The following NUDT22 variants were observed in gnomAD, a reference collection of about 807,000 sequenced individuals.
NUDT22 encodes nudix hydrolase 22, also known as uridine diphosphate glucose pyrophosphatase NUDT22.
NUDT22 carries 23 observed loss-of-function variants against 28.8 expected under a neutral mutation model. The observed-to-expected ratio is 0.80, with a 90% CI of 0.58 to 1.13. The LOEUF (loss-of-function observed/expected upper bound fraction) is 1.13. NUDT22 is among the 50% of genes most tolerant of loss of function. The pLI is 0.00. For missense variants in NUDT22, 358 were observed against 387.3 expected (o/e 0.92, Z 0.64); for synonymous variants, 175 against 173.7 (o/e 1.01, Z -0.06).
chr11:64,229,799 G>C lies in NUDT22; in HGVS notation c.772-51G>C. On this transcript the variant is annotated intron_variant, in intron 5 of 5. Coordinates refer to ENST00000279206, the MANE Select transcript of NUDT22 (RefSeq NM_032344.4). ...GCTCAGGAATTCTGGGCACAGCCCT[G>C]GCAGGAGAAGTGGCAAGCTTGAATG... is the stretch of plus-strand genomic sequence containing the variant. 3 of 1,610,288 alleles carry C rather than the reference G, an allele frequency of 1.9e-6. No individual in the cohort carries two copies. In the South Asian group the frequency reaches 3.3e-5, roughly 18 times the overall value.
chr11:64,228,987 G>GA (rs1947122809), intron 3 of NUDT22: 1 of 451,932 alleles, frequency 2.2e-6, no homozygotes, highest in Non-Finnish European at 4.0e-6. Context: ...AAGAAAAAAA[G>GA]AAAAAGGAGT....
Position 64,227,032 on chromosome 11 carries a change from T to G in NUDT22, c.380T>G (p.Leu127Arg). The change falls in exon 2 of 6, where the codon CTA (leucine) becomes CGA (arginine). Residue 127 changes from leucine to arginine, a missense_variant. Coordinates refer to ENST00000279206, the MANE Select transcript of NUDT22 (RefSeq NM_032344.4). Reference sequence around the variant, plus strand: ...GACCCACTGGGGGTGGGCGCTGCACTAGCCACAGCCGATGACTTCCTTGTC... The same window carrying G: ...GACCCACTGGGGGTGGGCGCTGCACGAGCCACAGCCGATGACTTCCTTGTC... ...LADPLGVGAALATADDFLVFL... is the reference protein window; with the variant it reads ...LADPLGVGAARATADDFLVFL... 6.2e-7 allele frequency: 1 copy of G among 1,603,026 alleles called. No homozygotes were observed. The highest frequency in any genetic ancestry group is 8.5e-7 in the Non-Finnish European group (1 of 1,179,594).
chr11:64,229,792 C>T, intron 5 of NUDT22, 58 bp from the exon 6 acceptor site: 1 of 1,606,318 alleles, frequency 6.2e-7, no homozygotes, highest in East Asian at 2.2e-5. Flanking sequence ...ATTCTGGGCA[C>T]AGCCCTGGCA....
In NUDT22 at chr11:64,226,831, A is replaced by G. The variant is rs1231512123; in HGVS notation, c.179A>G (p.Lys60Arg). 6.2e-7 allele frequency: 1 copy of G among 1,609,062 alleles called. No individual in the cohort carries two copies. The highest frequency in any genetic ancestry group is 8.5e-7 in the Non-Finnish European group (1 of 1,179,856). The stretch of plus-strand genomic sequence containing the variant: ...CAACCCTGGCTCTTCGACGCCCCCA[A>G]GTTCCGCCTGCACTCAGCCACCCTG... ...KAQPWLFDAPKFRLHSATLAP... is the reference protein window; with the variant it reads ...KAQPWLFDAPRFRLHSATLAP... Residue 60 changes from lysine to arginine, a missense_variant, in exon 2 of 6, where the codon AAG becomes AGG. Coordinates refer to ENST00000279206, the MANE Select transcript of NUDT22 (RefSeq NM_032344.4).
chr11:64,226,557 G>A (rs1385409307), intron 1 of NUDT22, 78 bp from the exon 2 acceptor site: 2 of 1,500,562 alleles, frequency 1.3e-6, no homozygotes, highest in Non-Finnish European at 1.8e-6. Flanking sequence ...GGAGGTCTGC[G>A]ACAGAGGGGG....
At chr11:64,227,713 G>C (rs188629016) in intron 3 of NUDT22, 47 bp downstream of exon 3, 1 of 1,500,804 alleles carries the variant, frequency 6.7e-7, no homozygotes, top group Admixed American at 1.7e-5. Context: ...AAGGGAGGGG[G>C]TAGGACTTGC....
chr11:64,227,830 C>A (rs2429455), intron 3 of NUDT22, 164 bp downstream of exon 3: 5 of 612,906 alleles, frequency 8.2e-6, no homozygotes, highest in Non-Finnish European at 8.8e-6. Flanking sequence ...AATTCTAGCC[C>A]TCAGTACCCT....
rs1414270287 is a variant in NUDT22, at chr11:64,229,276, G to A, written c.609G>A (p.Gln203=). Reference sequence around the variant, plus strand: ...ACCTGCCGCTGCTCACCCTGAGCCAGCCCCTGCTGTTGGGCATCGCCCGAA... The same window carrying A: ...ACCTGCCGCTGCTCACCCTGAGCCAACCCCTGCTGTTGGGCATCGCCCGAA... The part of the protein sequence containing the change: ...EVNLPLLTLS[Q]PLLLGIARNE... Residue 203 remains glutamine (Q), a synonymous_variant, in exon 4 of 6, where the codon CAG becomes CAA. Transcript: ENST00000279206. 2 of 1,592,532 alleles carry A rather than the reference G, an allele frequency of 1.3e-6. No homozygotes were observed. The highest frequency in any genetic ancestry group is 4.6e-5 in the East Asian group (2 of 43,712).
In NUDT22 at chr11:64,229,586, A is replaced by AC. The variant is rs1464006696; in HGVS notation, c.771+17dup. 1.9e-6 allele frequency: 3 copies of AC among 1,611,696 alleles called. No homozygotes were observed. In the African/African-American group the frequency reaches 4.0e-5, roughly 22 times the overall value. ...TGGAGACACAGGTGCAGAGTGACAA[A>AC]CCATCTTGCTTGGAGGCCAGGGCTG... On this transcript the variant is annotated intron_variant, in intron 5 of 5. Transcript: ENST00000279206.
At position 64,227,026 on chromosome 11, in the gene NUDT22, C is replaced by G; in HGVS notation, c.374C>G (p.Ala125Gly). The G allele has an allele frequency of 6.2e-7, 1 of 1,602,480 alleles. No individual in the cohort carries two copies. Among genetic ancestry groups the G allele is most frequent in the Non-Finnish European group, 8.5e-7 (1 of 1,179,552 alleles). ...AYLADPLGVG[A>G]ALATADDFLV... ...CTGGCGGACCCACTGGGGGTGGGCG[C>G]TGCACTAGCCACAGCCGATGACTTC... Residue 125 changes from alanine to glycine, a missense_variant, in exon 2 of 6, where the codon GCT becomes GGT. Ala to Gly is a moderately conservative substitution (Grantham distance 60, BLOSUM62 0). Transcript: ENST00000279206.
chr11:64,230,100 A>G, downstream of NUDT22: 1 of 1,225,196 alleles, frequency 8.2e-7, no homozygotes, highest in Non-Finnish European at 1.2e-6. Flanking sequence ...TTGGGAAAAA[A>G]AAAAAAAAAA....
chr11:64,226,724 G>C lies in NUDT22; in HGVS notation c.72G>C (p.Glu24Asp), dbSNP rs762216734. 7 of 1,610,378 alleles carry C rather than the reference G, an allele frequency of 4.3e-6. No homozygotes were observed. The African/African-American group carries it at 9.3e-5, about 21-fold the overall frequency. Residue 24 changes from glutamate (E) to aspartate (D), a missense_variant, in exon 2 of 6, where the codon GAG becomes GAC. Physicochemically the swap from Glu to Asp is conservative, Grantham distance 45. Coordinates refer to ENST00000279206, the MANE Select transcript of NUDT22 (RefSeq NM_032344.4). The stretch of plus-strand genomic sequence containing the variant: ...TGCCCCAGGAGCAGATACAGGCCGA[G>C]CTGAGCCCCGCCCATGACCGTCGCC... Reference protein sequence around the residue: ...GGLPQEQIQAELSPAHDRRPL... With the variant: ...GGLPQEQIQADLSPAHDRRPL...
intron 3 of NUDT22, 130 bp from the exon 4 acceptor site, chr11:64,229,117 G>C: frequency 1.6e-6 from 1 of 610,872 alleles, no homozygotes; most frequent in Non-Finnish European, 2.9e-6. Flanking sequence ...ATTCTGTAAT[G>C]CTGGGTCCTT....
rs1381355544 is a variant in NUDT22, at chr11:64,226,691, C to A, written c.39C>A (p.Gly13=). The A allele has an allele frequency of 3.1e-6, 5 of 1,607,944 alleles. No individual in the cohort carries two copies. Among genetic ancestry groups the A allele is most frequent in the Non-Finnish European group, 4.2e-6 (5 of 1,178,124 alleles). ...PEVTLLLQCP[G]GGLPQEQIQA... ...TGACCTTGCTGCTGCAGTGCCCTGG[C>A]GGGGGCCTGCCCCAGGAGCAGATAC... The change falls in exon 2 of 6, where the codon GGC becomes GGA. Residue 13 remains glycine (G), a synonymous_variant. Coordinates refer to ENST00000279206, the MANE Select transcript of NUDT22 (RefSeq NM_032344.4).
intron 3 of NUDT22, among the ~76,000 whole-genome samples, chr11:64,228,260 G>A (rs1384361105): frequency 6.6e-6 from 1 of 151,086 alleles, no homozygotes; most frequent in Non-Finnish European, 1.5e-5. Flanking sequence ...TCGGCTCACT[G>A]CAACCTTCGC....
rs1186553128 is a variant in NUDT22 at position 64,229,504 on chromosome 11, G to C, written c.704G>C (p.Arg235Thr). Residue 235 changes from arginine (R) to threonine (T), a missense_variant, in exon 5 of 6, where the codon AGG (arginine) becomes ACG (threonine). Transcript: ENST00000279206. ...VQCSLTSEQV[R>T]KHYLSGGPEA... is the part of the protein sequence containing the mutation. ...TGCAGCCTGACTTCTGAGCAGGTGA[G>C]GAAGCACTACCTGAGTGGGGGACCC... 6.2e-7 allele frequency: 1 copy of C among 1,614,100 alleles called. No individual in the cohort carries two copies. The highest frequency in any genetic ancestry group is 2.2e-5 in the East Asian group (1 of 44,902).
intron 3 of NUDT22, 194 bp downstream of exon 3, chr11:64,227,860 TTTTC>T (rs1355355442): frequency 1.4e-5 from 8 of 581,902 alleles, no homozygotes; most frequent in Non-Finnish European, 2.4e-5. Context: ...ATTCTTCTTC[TTTTC>T]TTTTTTCTTT....
chr11:64,227,547 G>A (rs1328462435), intron 2 of NUDT22, 21 bp from the exon 3 acceptor site: 5 of 1,595,370 alleles, frequency 3.1e-6, no homozygotes, highest in Non-Finnish European at 3.4e-6. Context: ...GGGAGCAGGG[G>A]CTGAGCCTGA....
chr11:64,229,876 G>A lies in NUDT22; in HGVS notation c.798G>A (p.Glu266=), dbSNP rs1947143348. ...TQNVQRLLET[E]MWAELCPSAK... is the part of the protein sequence containing the mutation. ...ACGTGCAGAGATTGCTCGAGACGGA[G>A]ATGTGGGCTGAACTCTGCCCCTCGG... Residue 266 remains glutamate, a synonymous_variant, in exon 6 of 6, where the codon GAG becomes GAA. Coordinates refer to ENST00000279206, the MANE Select transcript of NUDT22 (RefSeq NM_032344.4). 2 of 1,613,430 alleles carry A rather than the reference G, an allele frequency of 1.2e-6. No homozygotes were observed. The highest frequency in any genetic ancestry group is 4.5e-5 in the East Asian group (2 of 44,890).
Sources: gnomAD v4.1 joint callset for allele counts (sites outside exome capture counted in the v4.1 genomes callset) on GRCh38, gnomAD v4.1.1 for gene constraint, MANE v1.5 for transcripts, NCBI Gene and HGNC (gene_info 2026-07-23, HGNC 2026-07-21) for gene names.